PCDH15: variants seen among roughly 807,000 people sequenced by gnomAD.
PCDH15 encodes protocadherin related 15.
In PCDH15, 129 loss-of-function variants were observed where a neutral mutation model predicts 178.5. The ratio of observed to expected loss-of-function variants is 0.72; its 90% CI spans 0.63 to 0.84. PCDH15 has a LOEUF of 0.84. Among genes scored for constraint, PCDH15 ranks in the 40% least tolerant of loss-of-function variants. The pLI is 0.00. For synonymous variants in PCDH15, 800 were observed against 732.0 expected, an observed-to-expected ratio of 1.09 and a Z score of -1.50; for missense variants, 2,230 against 2,099.9, an observed-to-expected ratio of 1.06 and a Z score of -1.21.
intron 3 of PCDH15, among the ~76,000 whole-genome samples, chr10:54,500,949 G>A (rs1276520162): frequency 6.6e-6 from 1 of 152,100 alleles, no homozygotes; most frequent in Non-Finnish European, 1.5e-5. Context: ...GGACATAGAT[G>A]AAGCTGGAAA....
intron 3 of PCDH15, among the ~76,000 whole-genome samples, chr10:54,888,888 A>T (rs1483203621): frequency 6.6e-6 from 1 of 150,440 alleles, no homozygotes; most frequent in Admixed American, 6.6e-5. Flanking sequence ...TTTGGAAAAA[A>T]CTTTCTCCCA....
At chr10:55,272,514 C>T (rs2132248275) in intron 1 of PCDH15, among the ~76,000 whole-genome samples, 1 of 151,904 alleles carries the variant, frequency 6.6e-6, no homozygotes, top group South Asian at 2.1e-4. Context: ...AAGCGATTCT[C>T]CTGCCTACGG....
chr10:54,844,490 T>A (rs1953471002), intron 3 of PCDH15, among the ~76,000 whole-genome samples: 1 of 151,876 alleles, frequency 6.6e-6, no homozygotes, highest in Non-Finnish European at 1.5e-5. Context: ...TTCACATATA[T>A]GCTTTCCCTC....
At chr10:54,072,559 G>A (rs895795897) in intron 17 of PCDH15, among the ~76,000 whole-genome samples, 5 of 152,142 alleles carry the variant, frequency 3.3e-5, no homozygotes, top group African/African-American at 1.2e-4. Flanking sequence ...GAGACATGAA[G>A]GCAGGAGGCA....
intron 1 of PCDH15, among the ~76,000 whole-genome samples, chr10:54,714,820 T>A (rs2095461384): frequency 1.3e-5 from 2 of 152,148 alleles, no homozygotes; most frequent in East Asian, 1.9e-4. Context: ...ACTTTTTAAA[T>A]CTTCATGTAT....
In PCDH15 at chr10:54,090,048, C is replaced by CCT; in HGVS notation, c.1931_1932dup (p.Gly645ArgfsTer5). The CCT allele has an allele frequency of 6.2e-7, 1 of 1,611,386 alleles. No individual in the cohort carries two copies. The highest frequency in any genetic ancestry group is 1.1e-5 in the South Asian group (1 of 91,024). ...TCAATGGCATATGTTATTGAGTCTCCCTCTCGATCAGTTGCCTTCAGAGAG... is the reference window on the plus strand; with the variant it reads ...TCAATGGCATATGTTATTGAGTCTCCCTCTCTCGATCAGTTGCCTTCAGAGAG... On this transcript the variant is annotated frameshift_variant, in exon 16 of 38. Coordinates refer to ENST00000644397, the MANE Select transcript of PCDH15 (RefSeq NM_001384140.1). LOFTEE classifies it high-confidence loss of function.
chr10:54,678,534 A>G (rs1400328417), intron 1 of PCDH15, among the ~76,000 whole-genome samples: 3 of 152,158 alleles, frequency 2.0e-5, no homozygotes, highest in Non-Finnish European at 4.4e-5. Flanking sequence ...TCAGTTAAGC[A>G]TATTACTGCT....
chr10:54,645,926 T>C (rs966824190), intron 2 of PCDH15, among the ~76,000 whole-genome samples: 1 of 152,150 alleles, frequency 6.6e-6, no homozygotes, highest in African/African-American at 2.4e-5. Context: ...TTCTTGATTA[T>C]GGATAGAGAT....
At chr10:55,369,096 T>C (rs948636700) in intron 2 of PCDH15, among the ~76,000 whole-genome samples, 16 of 150,926 alleles carry the variant, frequency 1.1e-4, no homozygotes, top group Admixed American at 9.3e-4. Flanking sequence ...TTATCCTCAG[T>C]TTCAGTTTTT....
At chr10:54,740,576 G>A (rs553967711) in intron 1 of PCDH15, among the ~76,000 whole-genome samples, 3 of 151,908 alleles carry the variant, frequency 2.0e-5, no homozygotes, top group Non-Finnish European at 2.9e-5. Context: ...CTGCAGTCTC[G>A]TGTTAATTGT....
Position 54,378,846 on chromosome 10 carries a change from A to G in PCDH15, c.254T>C (p.Val85Ala). ...LSLKDNVDYWVLMDPVKQMLF... is the reference protein window; with the variant it reads ...LSLKDNVDYWALMDPVKQMLF... ...CATTTGCTTAACAGGATCCATCAAC[A>G]CCCAGTAATCCACATTATCCTTTAA... The change falls in exon 4 of 38, where the codon GTG becomes GCG. Residue 85 changes from valine to alanine, a missense_variant. By Grantham distance (64) the Val-to-Ala change is moderately conservative. Coordinates refer to ENST00000644397, the MANE Select transcript of PCDH15 (RefSeq NM_001384140.1). The G allele has an allele frequency of 6.2e-7, 1 of 1,613,844 alleles. No homozygotes were observed. Among genetic ancestry groups the G allele is most frequent in the Non-Finnish European group, 8.5e-7 (1 of 1,179,874 alleles).
chr10:54,502,500 T>C (rs1439213906), intron 3 of PCDH15, among the ~76,000 whole-genome samples: 1 of 152,110 alleles, frequency 6.6e-6, no homozygotes, highest in Non-Finnish European at 1.5e-5. Flanking sequence ...CTTTTTCTGC[T>C]TCTTTTTGCC....
intron 2 of PCDH15, among the ~76,000 whole-genome samples, chr10:55,108,231 G>C (rs1936464): frequency 0.084 from 12,839 of 152,180 alleles, 668 homozygotes; most frequent in East Asian, 0.26. Flanking sequence ...ATGGTAGTTT[G>C]TTATAGCTAC....
At chr10:54,697,115 C>G (rs2095239744) in intron 1 of PCDH15, among the ~76,000 whole-genome samples, 1 of 151,836 alleles carries the variant, frequency 6.6e-6, no homozygotes, top group African/African-American at 2.4e-5. Flanking sequence ...TATGTCTTTG[C>G]AGAAATAAAG....
intron 2 of PCDH15, among the ~76,000 whole-genome samples, chr10:55,579,181 G>A (rs1355478500): frequency 1.3e-5 from 2 of 152,242 alleles, no homozygotes; most frequent in African/African-American, 4.8e-5. Flanking sequence ...AAAAGAAACA[G>A]TAAATTACAC....
chr10:54,566,298 C>T (rs189348437), intron 2 of PCDH15, among the ~76,000 whole-genome samples: 164 of 152,264 alleles, frequency 1.1e-3, no homozygotes, highest in African/African-American at 3.7e-3. Context: ...CCCCCACCAA[C>T]GTGGTACACT....
intron 1 of PCDH15, among the ~76,000 whole-genome samples, chr10:55,240,634 C>T (rs963152801): frequency 1.3e-5 from 2 of 152,124 alleles, no homozygotes; most frequent in African/African-American, 4.8e-5. Flanking sequence ...ATTTCTTTTA[C>T]TGTTCTGCAA....
chr10:53,940,809 A>T, intron 24 of PCDH15, 57 bp downstream of exon 24: 1 of 1,253,494 alleles, frequency 8.0e-7, no homozygotes, highest in Non-Finnish European at 1.2e-6. Flanking sequence ...ATCTGAAATT[A>T]GGCCAAATCT....
intron 8 of PCDH15, among the ~76,000 whole-genome samples, chr10:54,271,824 A>G (rs1450867795): frequency 4.0e-5 from 6 of 151,706 alleles, no homozygotes; most frequent in Admixed American, 2.0e-4. Flanking sequence ...AAAGTATTGT[A>G]TATCTCATAC....
Sources: allele counts gnomAD v4.1 joint callset (sites outside exome capture counted in the v4.1 genomes callset), GRCh38; gene constraint gnomAD v4.1.1; transcripts MANE v1.5; gene names NCBI Gene and HGNC (gene_info 2026-07-23, HGNC 2026-07-21).